Variants in SMG9 observed in about 807,000 individuals in gnomAD.
SMG9 encodes the protein SMG9 nonsense mediated mRNA decay factor.
A neutral mutation model predicts 64.0 loss-of-function variants in SMG9; 55 were observed. That is an observed-to-expected ratio of 0.86 (90% confidence interval 0.69 to 1.08). The LOEUF (loss-of-function observed/expected upper bound fraction) is 1.08. Ranked by LOEUF, SMG9 falls within the 50% of genes least tolerant of loss-of-function variation. SMG9 has a pLI of 0.00. For missense variants in SMG9, 554 were observed against 681.3 expected, an observed-to-expected ratio of 0.81 and a Z score of 2.08; for synonymous variants, 244 against 254.8, an observed-to-expected ratio of 0.96 and a Z score of 0.41.
chr19:43,731,521 G>C lies in SMG9; in HGVS notation c.*75C>G. On this transcript the variant is annotated 3_prime_UTR_variant, in exon 14 of 14. Transcript: ENST00000270066. ...TGCTGCCGCTCTCCACCCCAGCGGGGGATGGACATCTGTGCTCCCTCGCAG... is the reference window on the plus strand; with the variant it reads ...TGCTGCCGCTCTCCACCCCAGCGGGCGATGGACATCTGTGCTCCCTCGCAG... 1 of 1,597,584 alleles carries C rather than the reference G, an allele frequency of 6.3e-7. No homozygotes were observed. The highest frequency in any genetic ancestry group is 8.6e-7 in the Non-Finnish European group (1 of 1,169,266).
At position 43,729,182 on chromosome 19, in the gene SMG9, G is replaced by A. The variant is rs943957695; in HGVS notation, c.*2414C>T. On this transcript the variant is annotated 3_prime_UTR_variant, in exon 14 of 14. Transcript: ENST00000270066. ...CACAAAACCCTGGAGGTGGGACAGG[G>A]CCTTTGGACCAAGGTCACCAGATCA... 1.2e-5 allele frequency: 3 copies of A among 247,150 alleles called. No homozygotes were observed. The highest frequency in any genetic ancestry group is 6.5e-5 in the Admixed American group (1 of 15,356). The allele number at this position is 247,150 out of a possible 1,614,324, so 15.3% of individuals were successfully genotyped here.
chr19:43,735,322 A>G (rs1302550709), intron 9 of SMG9, among the ~76,000 whole-genome samples: 1 of 152,198 alleles, frequency 6.6e-6, no homozygotes, highest in Non-Finnish European at 1.5e-5. Context: ...TACAGCTGCT[A>G]TAAACATCTG....
chr19:43,754,403 T>C (rs192604183), intron 1 of SMG9: 1 of 152,396 alleles, frequency 6.6e-6, no homozygotes, highest in Non-Finnish European at 1.5e-5. Flanking sequence ...TCCCCAGTAC[T>C]TGACGGGCAG....
chr19:43,732,813 A>G lies in SMG9; in HGVS notation c.1484+45T>C, dbSNP rs1462208345. The G allele has an allele frequency of 1.9e-6, 3 of 1,611,948 alleles. No homozygotes were observed. The Admixed American group carries it at 5.0e-5, about 27-fold the overall frequency. On this transcript the variant is annotated intron_variant, in intron 13 of 13. Coordinates refer to ENST00000270066, the MANE Select transcript of SMG9 (RefSeq NM_019108.4). ...AGGGACGCCCCCTTCTCTCTACACC[A>G]GGGTGGGGTGCCTCAAATTGACCCC...
At chr19:43,753,458 CTTTTTTTTTT>C (rs745479932) in intron 1 of SMG9, among the ~76,000 whole-genome samples, 5 of 118,622 alleles carry the variant, frequency 4.2e-5, no homozygotes, top group Non-Finnish European at 8.9e-5. Flanking sequence ...GAATGCTTTT[CTTTTTTTTTT>C]TTTTTTTTTT....
chr19:43,735,614 CAA>C (rs889721095), intron 9 of SMG9, among the ~76,000 whole-genome samples: 11 of 51,526 alleles, frequency 2.1e-4, no homozygotes, highest in Non-Finnish European at 3.3e-4. Context: ...GACTCTGTCT[CAA>C]AAAAAAAAAA....
chr19:43,735,712 C>T (rs1968643488), intron 9 of SMG9, among the ~76,000 whole-genome samples: 1 of 148,284 alleles, frequency 6.7e-6, no homozygotes. Flanking sequence ...GTTAAGAGTA[C>T]ATAAACCTGT....
At chr19:43,752,556 A>G (rs1969221735) in intron 1 of SMG9, among the ~76,000 whole-genome samples, 1 of 152,182 alleles carries the variant, frequency 6.6e-6, no homozygotes, top group South Asian at 2.1e-4. Flanking sequence ...GAGACAGACA[A>G]TACAGTCTGC....
intron 6 of SMG9, among the ~76,000 whole-genome samples, chr19:43,742,951 G>A (rs1355301641): frequency 1.1e-4 from 16 of 151,924 alleles, no homozygotes; most frequent in Admixed American, 1.1e-3. Context: ...AGCTGGGCAT[G>A]GTAGTCCCAG....
chr19:43,751,776 A>G (rs1969197654), intron 1 of SMG9, among the ~76,000 whole-genome samples: 1 of 152,174 alleles, frequency 6.6e-6, no homozygotes, highest in South Asian at 2.1e-4. Flanking sequence ...AGGCAATTTA[A>G]TGGAAGGTAC....
intron 9 of SMG9, chr19:43,734,707 A>G (rs1292735816): frequency 9.2e-6 from 4 of 436,598 alleles, no homozygotes; most frequent in African/African-American, 2.0e-5. Context: ...AAATTCTTTG[A>G]GTTTACTGTA....
intron 13 of SMG9, chr19:43,732,259 T>C (rs16976743): frequency 0.028 from 4,387 of 157,418 alleles, 181 homozygotes; most frequent in African/African-American, 0.097. Flanking sequence ...ATCTTTCCAA[T>C]TTTTCTCTTT....
intron 5 of SMG9, among the ~76,000 whole-genome samples, chr19:43,746,744 G>C (rs1444880990): frequency 6.6e-6 from 1 of 151,516 alleles, no homozygotes; most frequent in Non-Finnish European, 1.5e-5. Flanking sequence ...GCAGGGGGTG[G>C]TGGGATGGAT....
chr19:43,749,032 G>A (rs918379913), intron 2 of SMG9, among the ~76,000 whole-genome samples: 1 of 152,154 alleles, frequency 6.6e-6, no homozygotes, highest in Non-Finnish European at 1.5e-5. Context: ...TGGAATATTT[G>A]CATATTTACT....
chr19:43,750,094 C>T (rs2146408084), intron 2 of SMG9: 1 of 516,756 alleles, frequency 1.9e-6, no homozygotes, highest in Non-Finnish European at 3.9e-6. Context: ...AAAACATGAG[C>T]TATGGCACCT....
Position 43,731,518 on chromosome 19 carries a change from GGGGGATGGACATCTGTGCTCCCTCGCA to G in SMG9, c.*51_*77del. ...GCCTGCTGCCGCTCTCCACCCCAGC[GGGGGATGGACATCTGTGCTCCCTCGCA>G]GTACACTGCGGACCCAGGAGGTCCC... On this transcript the variant is annotated 3_prime_UTR_variant, in exon 14 of 14. Coordinates refer to ENST00000270066, the MANE Select transcript of SMG9 (RefSeq NM_019108.4). The G allele has an allele frequency of 6.3e-7, 1 of 1,593,814 alleles. No homozygotes were observed. The highest frequency in any genetic ancestry group is 8.6e-7 in the Non-Finnish European group (1 of 1,167,176).
intron 6 of SMG9, among the ~76,000 whole-genome samples, chr19:43,743,694 G>A (rs987859290): frequency 9.2e-5 from 14 of 152,224 alleles, no homozygotes; most frequent in Admixed American, 5.2e-4. Flanking sequence ...TACTTGGGAG[G>A]CTGAAGTGGG....
intron 6 of SMG9, among the ~76,000 whole-genome samples, chr19:43,741,271 A>G (rs1215755207): frequency 6.6e-6 from 1 of 152,166 alleles, no homozygotes; most frequent in Non-Finnish European, 1.5e-5. Flanking sequence ...TGAGGGTGAG[A>G]GAGAAAGAGG....
At chr19:43,743,691 G>A (rs1968910292) in intron 6 of SMG9, among the ~76,000 whole-genome samples, 2 of 152,214 alleles carry the variant, frequency 1.3e-5, no homozygotes, top group Non-Finnish European at 2.9e-5. Context: ...AGCTACTTGG[G>A]AGGCTGAAGT....
Sources: gnomAD v4.1 joint callset for allele counts (sites outside exome capture counted in the v4.1 genomes callset) on GRCh38, gnomAD v4.1.1 for gene constraint, MANE v1.5 for transcripts, NCBI Gene and HGNC (gene_info 2026-07-23, HGNC 2026-07-21) for gene names.